CNTN6: variants seen among roughly 807,000 people sequenced by gnomAD.
CNTN6 encodes the protein contactin-6.
Under a neutral mutation model 122.8 loss-of-function variants are expected in CNTN6, and 137 were observed. The observed-to-expected ratio is 1.12, with a 90% CI of 0.97 to 1.29. The LOEUF is 1.29. Among genes scored for constraint, CNTN6 ranks in the 50% most tolerant of loss-of-function variants. CNTN6 has a pLI of 0.00. For synonymous variants in CNTN6, 570 were observed against 426.0 expected (o/e 1.34, Z -4.16); for missense variants, 1,634 against 1,223.4 (o/e 1.34, Z -5.01).
intron 2 of CNTN6, among the ~76,000 whole-genome samples, chr3:1,212,239 C>A (rs1323807674): frequency 1.4e-5 from 2 of 146,352 alleles, no homozygotes; most frequent in Non-Finnish European, 3.0e-5. Context: ...TGCCTTACTG[C>A]CAAATAAAAC....
intron 11 of CNTN6, among the ~76,000 whole-genome samples, chr3:1,351,281 A>G (rs1409806053): frequency 6.6e-6 from 1 of 151,992 alleles, no homozygotes; most frequent in Non-Finnish European, 1.5e-5. Flanking sequence ...TTTGCAATGC[A>G]GCAAATACTA....
chr3:1,130,319 C>A (rs1196518663), intron 1 of CNTN6, among the ~76,000 whole-genome samples: 1 of 151,998 alleles, frequency 6.6e-6, no homozygotes, highest in Non-Finnish European at 1.5e-5. Flanking sequence ...CCACTGTAAC[C>A]CTGAAAGATA....
chr3:1,202,816 T>C (rs1336410706), intron 2 of CNTN6, among the ~76,000 whole-genome samples: 1 of 152,206 alleles, frequency 6.6e-6, no homozygotes. Flanking sequence ...AATATGAACT[T>C]CCTCATGTTT....
intron 1 of CNTN6, among the ~76,000 whole-genome samples, chr3:1,139,081 T>C (rs1481137388): frequency 6.6e-6 from 1 of 152,082 alleles, no homozygotes; most frequent in Non-Finnish European, 1.5e-5. Context: ...TCTTCACCTG[T>C]TTTTTGCAAA....
At chr3:1,311,283 TTATA>T (rs1312694752) in intron 7 of CNTN6, among the ~76,000 whole-genome samples, 3 of 146,006 alleles carry the variant, frequency 2.1e-5, no homozygotes, top group East Asian at 4.1e-4. Flanking sequence ...ACATACATAT[TTATA>T]TATACATATA....
At chr3:1,316,061 T>C (rs141802205) in intron 7 of CNTN6, among the ~76,000 whole-genome samples, 2 of 151,978 alleles carry the variant, frequency 1.3e-5, no homozygotes, top group African/African-American at 4.8e-5. Flanking sequence ...TTAAAATATT[T>C]TTATTAATTG....
intron 12 of CNTN6, among the ~76,000 whole-genome samples, chr3:1,368,836 C>A (rs901540712): frequency 6.6e-6 from 1 of 151,988 alleles, no homozygotes; most frequent in Non-Finnish European, 1.5e-5. Context: ...TATTTTAAAG[C>A]GAAAAGCTTT....
At chr3:1,353,134 T>G (rs1705928641) in intron 12 of CNTN6, among the ~76,000 whole-genome samples, 1 of 151,676 alleles carries the variant, frequency 6.6e-6, no homozygotes, top group Admixed American at 6.6e-5. Context: ...TGCTTTATTT[T>G]GTTGAATCTC....
At chr3:1,221,619 G>A (rs2094208943) in intron 3 of CNTN6, among the ~76,000 whole-genome samples, 1 of 152,156 alleles carries the variant, frequency 6.6e-6, no homozygotes, top group Non-Finnish European at 1.5e-5. Context: ...GAAAGGGTCA[G>A]TAAGTTTTTG....
intron 2 of CNTN6, among the ~76,000 whole-genome samples, chr3:1,162,890 C>T (rs889744884): frequency 4.5e-4 from 69 of 152,126 alleles, no homozygotes; most frequent in African/African-American, 1.6e-3. Context: ...ATTTTTACAA[C>T]GTCAAAATCA....
At chr3:1,100,156 C>G (rs1323523382) in intron 1 of CNTN6, among the ~76,000 whole-genome samples, 1 of 151,414 alleles carries the variant, frequency 6.6e-6, no homozygotes, top group Non-Finnish European at 1.5e-5. Context: ...CTCCTAGATT[C>G]TCTTCTTGTG....
chr3:1,152,748 C>T (rs558984318), intron 2 of CNTN6, among the ~76,000 whole-genome samples: 1 of 152,204 alleles, frequency 6.6e-6, no homozygotes, highest in African/African-American at 2.4e-5. Context: ...TTAATAAAGA[C>T]TTGATGATAA....
At position 1,258,350 on chromosome 3, in the gene CNTN6, T is replaced by C. The variant is rs537653770; in HGVS notation, c.359-20063T>C. Among the ~76,000 whole-genome samples, 12 of 152,250 alleles carry C rather than the reference T, an allele frequency of 7.9e-5. No individual in the cohort carries two copies. In the South Asian group the frequency reaches 2.5e-3, roughly 32 times the overall value. On this transcript the variant is annotated intron_variant, in intron 4 of 22. Coordinates refer to ENST00000446702, the MANE Select transcript of CNTN6 (RefSeq NM_001289080.2). ...TTTTGGTGCTGCTGCTACTTCTTAG[T>C]GAGCAAGACAAAAGATAGTTGAGGT...
chr3:1,227,554 C>G (rs1424941070), intron 3 of CNTN6, among the ~76,000 whole-genome samples: 2 of 151,996 alleles, frequency 1.3e-5, no homozygotes, highest in African/African-American at 2.4e-5. Context: ...ATTTTTATTT[C>G]TCATGTTGAG....
Position 1,383,017 on chromosome 3 carries a change from T to C in CNTN6, c.2242T>C (p.Trp748Arg), listed in dbSNP as rs1173912165. The stretch of plus-strand genomic sequence containing the variant: ...GTTCCGGCCAGTGGGCTCGACAACC[T>C]GGTCCAAGGAGAAAGTGTCATCTGT... ...IMFRPVGSTT[W>R]SKEKVSSVES... Residue 748 changes from tryptophan (W) to arginine (R), a missense_variant, in exon 18 of 23, where the codon TGG becomes CGG. Physicochemically the swap from Trp to Arg is moderately radical, Grantham distance 101. Transcript: ENST00000446702. The C allele has an allele frequency of 1.9e-6, 3 of 1,614,126 alleles. No individual in the cohort carries two copies. Among genetic ancestry groups the C allele is most frequent in the Non-Finnish European group, 2.5e-6 (3 of 1,179,962 alleles).
At chr3:1,200,700 G>A (rs2093850929) in intron 2 of CNTN6, among the ~76,000 whole-genome samples, 1 of 152,100 alleles carries the variant, frequency 6.6e-6, no homozygotes. Flanking sequence ...ACAGCCTTAA[G>A]TAAAATTTAT....
chr3:1,240,601 G>C (rs1384022705), intron 4 of CNTN6, among the ~76,000 whole-genome samples: 1 of 151,856 alleles, frequency 6.6e-6, no homozygotes, highest in Admixed American at 6.6e-5. Context: ...CAATCACTAT[G>C]GAAAACAGTG....
intron 11 of CNTN6, among the ~76,000 whole-genome samples, chr3:1,345,497 G>T (rs1464708829): frequency 6.6e-6 from 1 of 152,128 alleles, no homozygotes; most frequent in Non-Finnish European, 1.5e-5. Context: ...AGCAAACTTT[G>T]TAATTTACTT....
rs569797960 is a variant in CNTN6 at position 1,219,314 on chromosome 3, A to G, written c.56-1373A>G. 6.6e-5 allele frequency among the ~76,000 whole-genome samples: 10 copies of G among 152,320 alleles called. 1 individual carries two copies. In the South Asian group the frequency reaches 2.1e-3, roughly 32 times the overall value. ...CCTTCTACCTGACAGAACGCAGCATAAAGAGCACAGCATCCTGAATCGAAT... is the reference window on the plus strand; with the variant it reads ...CCTTCTACCTGACAGAACGCAGCATGAAGAGCACAGCATCCTGAATCGAAT... On this transcript the variant is annotated intron_variant, in intron 2 of 22. Coordinates refer to ENST00000446702, the MANE Select transcript of CNTN6 (RefSeq NM_001289080.2).
Sources: allele counts gnomAD v4.1 joint callset (sites outside exome capture counted in the v4.1 genomes callset), GRCh38; gene constraint gnomAD v4.1.1; transcripts MANE v1.5; gene names NCBI Gene and HGNC (gene_info 2026-07-23, HGNC 2026-07-21).